The following SUPT3H variants were observed in gnomAD, a reference collection of about 807,000 sequenced individuals.
SUPT3H encodes transcription initiation protein SPT3 homolog.
A neutral mutation model predicts 44.3 loss-of-function variants in SUPT3H; 44 were observed. The ratio of observed to expected loss-of-function variants is 0.99; its 90% confidence interval spans 0.78 to 1.28. The LOEUF (loss-of-function observed/expected upper bound fraction) is 1.28. SUPT3H is among the 50% of genes most tolerant of loss of function. SUPT3H has a pLI of 0.00. For synonymous variants in SUPT3H, 124 were observed against 125.6 expected, an observed-to-expected ratio of 0.99 and a Z score of 0.09; for missense variants, 380 against 387.1, an observed-to-expected ratio of 0.98 and a Z score of 0.15.
At chr6:45,109,955 T>C (rs1799808518) in intron 2 of SUPT3H, among the ~76,000 whole-genome samples, 1 of 152,198 alleles carries the variant, frequency 6.6e-6, no homozygotes, top group African/African-American at 2.4e-5. Flanking sequence ...TCTTGATGCC[T>C]GTGACAATAC....
At chr6:44,958,571 C>A (rs1451153888) in intron 7 of SUPT3H, among the ~76,000 whole-genome samples, 1 of 152,132 alleles carries the variant, frequency 6.6e-6, no homozygotes, top group Non-Finnish European at 1.5e-5. Flanking sequence ...GTGTTCATTT[C>A]CCCATATAAG....
In SUPT3H at chr6:45,302,514, AATATATATATAT is replaced by A. The variant is rs10524207; in HGVS notation, c.101+62675_101+62686del. ...ATAATATATAATGAAGTATCTCAGG[AATATATATATAT>A]ATATATATATATATATATATATATA... is the stretch of plus-strand genomic sequence containing the variant. On this transcript the variant is annotated intron_variant, in intron 2 of 10. Coordinates refer to ENST00000371459, the MANE Select transcript of SUPT3H (RefSeq NM_003599.4). Among the ~76,000 whole-genome samples the A allele has an allele frequency of 6.5e-3, 684 of 105,384 alleles. 8 individuals carry two copies. The highest frequency in any genetic ancestry group is 0.017 in the African/African-American group (486 of 28,056). The allele number at this position is 105,384 out of a possible 152,430, so 69.1% of individuals were successfully genotyped here. A position where few individuals can be genotyped will look rare whatever the true frequency, so the allele number is the denominator to read the frequency against.
At position 45,101,255 on chromosome 6, in the gene SUPT3H, A is replaced by G. The variant is rs564044537; in HGVS notation, c.186+4667T>C. On this transcript the variant is annotated intron_variant, in intron 3 of 10. Transcript: ENST00000371459. ...AGCCTGACCAACATGGAGAAATCCCATCTTTACTAAAAATACAAAATTAGC... is the reference window on the plus strand; with the variant it reads ...AGCCTGACCAACATGGAGAAATCCCGTCTTTACTAAAAATACAAAATTAGC... Among the ~76,000 whole-genome samples the G allele has an allele frequency of 2.2e-4, 34 of 152,282 alleles. 1 individual carries two copies. The East Asian group carries it at 6.4e-3, about 29-fold the overall frequency.
rs545263827 is a variant in SUPT3H at position 45,321,500 on chromosome 6, A to G, written c.101+43701T>C. On this transcript the variant is annotated intron_variant, in intron 2 of 10. Coordinates refer to ENST00000371459, the MANE Select transcript of SUPT3H (RefSeq NM_003599.4). ...TAATTCAGCTCATATCTCTTTTAAG[A>G]CTATGGATATTGTACTATAAAAACA... 3.9e-5 allele frequency among the ~76,000 whole-genome samples: 6 copies of G among 152,268 alleles called. No homozygotes were observed. In the South Asian group the frequency reaches 1.2e-3, roughly 32 times the overall value.
chr6:45,009,860 C>T (rs375043469), intron 5 of SUPT3H, among the ~76,000 whole-genome samples: 3 of 152,124 alleles, frequency 2.0e-5, no homozygotes, highest in African/African-American at 7.2e-5. Context: ...GTAGAATCAG[C>T]GTATTCATGA....
intron 2 of SUPT3H, among the ~76,000 whole-genome samples, chr6:45,349,138 A>G (rs1016560105): frequency 2.0e-5 from 3 of 152,160 alleles, no homozygotes; most frequent in African/African-American, 7.2e-5. Context: ...TTAAATTTCA[A>G]TTTAGTTCTT....
chr6:44,931,826 C>A (rs374933123), intron 10 of SUPT3H, among the ~76,000 whole-genome samples: 1 of 151,524 alleles, frequency 6.6e-6, no homozygotes, highest in African/African-American at 2.4e-5. Context: ...TAGTAAAATC[C>A]ACTCAGGTAA....
At chr6:45,002,747 A>C (rs1313748553) in intron 6 of SUPT3H, among the ~76,000 whole-genome samples, 17 of 152,260 alleles carry the variant, frequency 1.1e-4, no homozygotes, top group East Asian at 5.8e-4. Flanking sequence ...TCATGATCCA[A>C]GCCTGCTAAT....
rs182835374 is a variant in SUPT3H, at chr6:44,954,476, G to A, written c.693+19C>T. 2.3e-5 allele frequency: 36 copies of A among 1,563,786 alleles called. No homozygotes were observed. The highest frequency in any genetic ancestry group is 3.1e-5 in the Non-Finnish European group (35 of 1,134,084). On this transcript the variant is annotated intron_variant, in intron 8 of 10. Coordinates refer to ENST00000371459, the MANE Select transcript of SUPT3H (RefSeq NM_003599.4). ...AAAACCAGCCAGTGTGGCCCGATATGACAGATTAGAATTCTTACCTGTGCC... is the reference window on the plus strand; with the variant it reads ...AAAACCAGCCAGTGTGGCCCGATATAACAGATTAGAATTCTTACCTGTGCC...
intron 1 of SUPT3H, among the ~76,000 whole-genome samples, chr6:45,367,879 T>G (rs1795414566): frequency 6.6e-6 from 1 of 152,188 alleles, no homozygotes; most frequent in Non-Finnish European, 1.5e-5. Context: ...ACATTTTTCT[T>G]GACATGATGA....
At chr6:45,110,922 ATG>A (rs578075721) in intron 2 of SUPT3H, among the ~76,000 whole-genome samples, 6 of 152,148 alleles carry the variant, frequency 3.9e-5, no homozygotes, top group African/African-American at 1.4e-4. Context: ...GTGTGTACAT[ATG>A]TGTGTGTGTA....
At chr6:45,047,632 A>G (rs1405460851) in intron 3 of SUPT3H, among the ~76,000 whole-genome samples, 5 of 152,160 alleles carry the variant, frequency 3.3e-5, no homozygotes. Context: ...TATTCTGATA[A>G]GAATAATCTA....
At chr6:45,137,358 A>T (rs1338351224) in intron 2 of SUPT3H, among the ~76,000 whole-genome samples, 1 of 152,002 alleles carries the variant, frequency 6.6e-6, no homozygotes, top group South Asian at 2.1e-4. Context: ...TATGGGGGTA[A>T]ACATAAAAGA....
At chr6:45,116,904 A>G (rs2153577213) in intron 2 of SUPT3H, among the ~76,000 whole-genome samples, 1 of 152,204 alleles carries the variant, frequency 6.6e-6, no homozygotes, top group South Asian at 2.1e-4. Context: ...TCAGCCAAAG[A>G]CAACCACTAA....
At chr6:45,314,080 CA>C (rs1192498146) in intron 2 of SUPT3H, among the ~76,000 whole-genome samples, 1 of 152,124 alleles carries the variant, frequency 6.6e-6, no homozygotes, top group Non-Finnish European at 1.5e-5. Context: ...AAGCATTCGA[CA>C]AAATCCAGCA....
At chr6:45,086,933 T>C (rs1420064296) in intron 3 of SUPT3H, among the ~76,000 whole-genome samples, 1 of 152,016 alleles carries the variant, frequency 6.6e-6, no homozygotes, top group South Asian at 2.1e-4. Context: ...TCCAATCAGG[T>C]GTATAACAAT....
At chr6:44,831,389 C>T (rs559361650) in intron 10 of SUPT3H, among the ~76,000 whole-genome samples, 13 of 152,206 alleles carry the variant, frequency 8.5e-5, no homozygotes, top group African/African-American at 2.9e-4. Context: ...CCTAAAATTG[C>T]GCTATAGAAC....
chr6:44,862,947 A>C (rs571231696), intron 10 of SUPT3H, among the ~76,000 whole-genome samples: 1 of 152,312 alleles, frequency 6.6e-6, no homozygotes, highest in East Asian at 1.9e-4. Context: ...ATATTCTCTT[A>C]AGCAAACATT....
intron 1 of SUPT3H, among the ~76,000 whole-genome samples, chr6:45,374,684 C>A (rs1796527445): frequency 6.6e-6 from 1 of 152,104 alleles, no homozygotes; most frequent in African/African-American, 2.4e-5. Context: ...GTTATTTCAA[C>A]ACAAATACTC....
Sources: allele counts gnomAD v4.1 joint callset (sites outside exome capture counted in the v4.1 genomes callset), GRCh38; gene constraint gnomAD v4.1.1; transcripts MANE v1.5; gene names NCBI Gene and HGNC (gene_info 2026-07-23, HGNC 2026-07-21).